Variants in PCDH15 observed in about 807,000 individuals in gnomAD.
PCDH15 encodes protocadherin related 15.
PCDH15 carries 129 observed loss-of-function variants against 178.5 expected under a neutral mutation model. That is an observed-to-expected ratio of 0.72 (90% CI 0.63 to 0.84). The LOEUF is 0.84. Among genes scored for constraint, PCDH15 ranks in the 40% least tolerant of loss-of-function variants. PCDH15 has a pLI of 0.00. For missense variants in PCDH15, 2,230 were observed against 2,099.9 expected (o/e 1.06, Z -1.21); for synonymous variants, 800 against 732.0 (o/e 1.09, Z -1.50).
At chr10:54,176,786 C>T (rs1025820574) in intron 13 of PCDH15, among the ~76,000 whole-genome samples, 1 of 152,000 alleles carries the variant, frequency 6.6e-6, no homozygotes, top group African/African-American at 2.4e-5. Flanking sequence ...ATTATGGCAG[C>T]ACATAGGCAT....
chr10:55,120,524 T>C (rs144228190), intron 2 of PCDH15, among the ~76,000 whole-genome samples: 18 of 152,084 alleles, frequency 1.2e-4, no homozygotes, highest in African/African-American at 4.1e-4. Context: ...TTTTGGAGAA[T>C]AAATAGAAGA....
intron 2 of PCDH15, among the ~76,000 whole-genome samples, chr10:55,463,855 A>G (rs1839732640): frequency 6.8e-6 from 1 of 147,866 alleles, no homozygotes; most frequent in African/African-American, 2.5e-5. Context: ...ACAGAGTAAC[A>G]GAATGAGACG....
At chr10:54,358,921 A>G (rs1465100919) in intron 5 of PCDH15, among the ~76,000 whole-genome samples, 4 of 150,532 alleles carry the variant, frequency 2.7e-5, no homozygotes, top group African/African-American at 9.8e-5. Context: ...ACAAAAAACC[A>G]AACACCGCAT....
chr10:53,826,907 A>C (rs1432722865), intron 32 of PCDH15, among the ~76,000 whole-genome samples: 2 of 152,110 alleles, frequency 1.3e-5, no homozygotes, highest in African/African-American at 2.4e-5. Flanking sequence ...GTATCTCAGA[A>C]AATACTACGA....
intron 1 of PCDH15, among the ~76,000 whole-genome samples, chr10:54,771,746 GCAGA>G: frequency 6.6e-6 from 1 of 152,160 alleles, no homozygotes; most frequent in Admixed American, 6.5e-5. Context: ...TTTAAACTCA[GCAGA>G]CAGAGGACAG....
chr10:54,889,327 T>G (rs558965336), intron 3 of PCDH15, among the ~76,000 whole-genome samples: 1 of 151,890 alleles, frequency 6.6e-6, no homozygotes, highest in South Asian at 2.1e-4. Context: ...GTATAGTCTC[T>G]GAGTAAGTAA....
At chr10:54,056,118 T>C (rs181704935) in intron 18 of PCDH15, among the ~76,000 whole-genome samples, 128 of 152,296 alleles carry the variant, frequency 8.4e-4, no homozygotes, top group Non-Finnish European at 1.2e-3. Flanking sequence ...CCATTTTTAA[T>C]TGATATATAA....
chr10:54,796,745 A>T (rs1004598402), intron 1 of PCDH15, among the ~76,000 whole-genome samples: 2 of 151,560 alleles, frequency 1.3e-5, no homozygotes, highest in Non-Finnish European at 2.9e-5. Context: ...TTGAGTTTGT[A>T]TCTCTGTGAA....
intron 2 of PCDH15, among the ~76,000 whole-genome samples, chr10:55,474,509 A>G (rs1256020483): frequency 6.6e-6 from 1 of 152,210 alleles, no homozygotes; most frequent in African/African-American, 2.4e-5. Flanking sequence ...GGAGTTTCAC[A>G]GGTGAGAATC....
Position 55,347,166 on chromosome 10 carries a change from G to T in PCDH15, c.-155-180515C>A, listed in dbSNP as rs550886915. 1.2e-4 allele frequency among the ~76,000 whole-genome samples: 19 copies of T among 152,188 alleles called. No individual in the cohort carries two copies. The South Asian group carries it at 3.9e-3, about 32-fold the overall frequency. ...GGAGCTGGAGGTTGTAGTGAGATGA[G>T]ATCGTGCAACTGCACTCCAGCCTGG... On this transcript the variant is annotated intron_variant, in intron 2 of 5. Coordinates refer to the PCDH15 transcript ENST00000613346.
At chr10:53,851,552 A>G (rs1053575124) in intron 28 of PCDH15, among the ~76,000 whole-genome samples, 1 of 151,090 alleles carries the variant, frequency 6.6e-6, no homozygotes. Context: ...CTGAAACAAA[A>G]AGGAGCTCAA....
chr10:55,548,432 A>G (rs538346042), intron 2 of PCDH15, among the ~76,000 whole-genome samples: 2 of 152,134 alleles, frequency 1.3e-5, no homozygotes, highest in Non-Finnish European at 2.9e-5. Context: ...TATGGAAAGC[A>G]ATGCAGAGCT....
At chr10:54,905,394 G>T (rs1412130971) in intron 2 of PCDH15, among the ~76,000 whole-genome samples, 1 of 152,064 alleles carries the variant, frequency 6.6e-6, no homozygotes. Context: ...CAATGAATTT[G>T]TTTGATAAAT....
chr10:54,611,210 A>T (rs962944381), intron 2 of PCDH15, among the ~76,000 whole-genome samples: 1 of 151,822 alleles, frequency 6.6e-6, no homozygotes, highest in Non-Finnish European at 1.5e-5. Flanking sequence ...ATGTGTCTTT[A>T]AACACTATGG....
chr10:54,730,051 T>C (rs1364197335), intron 1 of PCDH15, among the ~76,000 whole-genome samples: 1 of 151,594 alleles, frequency 6.6e-6, no homozygotes, highest in East Asian at 1.9e-4. Flanking sequence ...TTCCTGGGTA[T>C]ATATCCAAAG....
intron 1 of PCDH15, among the ~76,000 whole-genome samples, chr10:55,170,029 A>G (rs1377020822): frequency 6.6e-6 from 1 of 152,174 alleles, no homozygotes; most frequent in Non-Finnish European, 1.5e-5. Context: ...GAAGGACATT[A>G]AGTAGGCAGT....
chr10:54,724,201 C>A (rs894068501), intron 1 of PCDH15, among the ~76,000 whole-genome samples: 6 of 151,684 alleles, frequency 4.0e-5, no homozygotes, highest in Non-Finnish European at 8.9e-5. Flanking sequence ...ACAAACTGTG[C>A]AGCCATTAAA....
intron 2 of PCDH15, among the ~76,000 whole-genome samples, chr10:55,451,842 C>T (rs1180426864): frequency 1.3e-5 from 2 of 152,162 alleles, no homozygotes; most frequent in Non-Finnish European, 2.9e-5. Context: ...TAATGATTAT[C>T]TGATTGTTTC....
intron 2 of PCDH15, among the ~76,000 whole-genome samples, chr10:55,055,986 T>C (rs1388749398): frequency 1.3e-5 from 2 of 152,162 alleles, no homozygotes; most frequent in African/African-American, 4.8e-5. Context: ...CATACTCAAA[T>C]ATATTAATCA....
Sources: allele counts gnomAD v4.1 joint callset (sites outside exome capture counted in the v4.1 genomes callset), GRCh38; gene constraint gnomAD v4.1.1; transcripts MANE v1.5; gene names NCBI Gene and HGNC (gene_info 2026-07-23, HGNC 2026-07-21).